Variants in FAM204A observed in about 807,000 individuals in gnomAD.
FAM204A encodes protein FAM204A.
Under a neutral mutation model 35.4 loss-of-function variants are expected in FAM204A, and 16 were observed. That is an observed-to-expected ratio of 0.45 (90% CI 0.31 to 0.69). FAM204A has a LOEUF of 0.69. Ranked by LOEUF, FAM204A falls within the 30% of genes least tolerant of loss-of-function variation. The pLI is 0.07. For missense variants in FAM204A, 240 were observed against 265.7 expected (o/e 0.90, Z 0.67); for synonymous variants, 76 against 86.9 (o/e 0.88, Z 0.70).
At position 118,304,904 on chromosome 10, in the gene FAM204A, T is replaced by C. The variant is rs1845845989; in HGVS notation, c.*5953A>G. Reference sequence around the variant, plus strand: ...GTGATTGAGGCAATGTGGCAGATACTGCAAGCTATTTACTAAAATTTCTTT... The same window carrying C: ...GTGATTGAGGCAATGTGGCAGATACCGCAAGCTATTTACTAAAATTTCTTT... On this transcript the variant is annotated 3_prime_UTR_variant, in exon 9 of 9. Transcript: ENST00000369183. 1 of 152,270 alleles carries C rather than the reference T, an allele frequency of 6.6e-6. No individual in the cohort carries two copies. Among genetic ancestry groups the C allele is most frequent in the Non-Finnish European group, 1.5e-5 (1 of 68,046 alleles). 9.4% of individuals were successfully genotyped at this position (152,270 alleles called of 1,614,324 possible).
rs1205532256 is a variant in FAM204A at position 118,324,108 on chromosome 10, C to G, written c.543+2046G>C. Among the ~76,000 whole-genome samples, 5 of 152,072 alleles carry G rather than the reference C, an allele frequency of 3.3e-5. No homozygotes were observed. In the East Asian group the frequency reaches 9.6e-4, roughly 29 times the overall value. ...ATTAAAATGAGATACCTGTACCTTTCTATTCCAAAATAGATTAATAAAATG... is the reference window on the plus strand; with the variant it reads ...ATTAAAATGAGATACCTGTACCTTTGTATTCCAAAATAGATTAATAAAATG... On this transcript the variant is annotated intron_variant, in intron 7 of 8. Coordinates refer to ENST00000369183, the MANE Select transcript of FAM204A (RefSeq NM_022063.3).
In FAM204A at chr10:118,322,191, T is replaced by C. The variant is rs1846128575; in HGVS notation, c.543+3963A>G. The C allele has an allele frequency of 3.2e-5, 8 of 247,338 alleles. No homozygotes were observed. In the South Asian group the frequency reaches 3.5e-4, roughly 11 times the overall value. 15.3% of individuals were successfully genotyped at this position (247,338 alleles called of 1,614,324 possible). ...GACACTAAAACAAACAGGGAAAACA[T>C]GAGAAAGAGAACATTTACACAGTCT... On this transcript the variant is annotated intron_variant, in intron 7 of 8. Coordinates refer to ENST00000369183, the MANE Select transcript of FAM204A (RefSeq NM_022063.3).
intron 7 of FAM204A, among the ~76,000 whole-genome samples, chr10:118,314,242 T>C (rs1845996423): frequency 6.6e-6 from 1 of 152,190 alleles, no homozygotes; most frequent in Non-Finnish European, 1.5e-5. Context: ...CTATAAAAGG[T>C]ATATTTTCTA....
rs780305501 is a variant in FAM204A at position 118,336,136 on chromosome 10, G to T, written c.234+46C>A. On this transcript the variant is annotated intron_variant, in intron 3 of 8. Transcript: ENST00000369183. Reference sequence around the variant, plus strand: ...CCAGGGCAGAGACACACAGAGGCATGTGCACACACACAGGCTGTAGCAAGA... The same window carrying T: ...CCAGGGCAGAGACACACAGAGGCATTTGCACACACACAGGCTGTAGCAAGA... The T allele has an allele frequency of 1.7e-5, 27 of 1,587,362 alleles. No homozygotes were observed. The African/African-American group carries it at 3.1e-4, about 18-fold the overall frequency.
intron 7 of FAM204A, among the ~76,000 whole-genome samples, chr10:118,318,180 A>G (rs935518115): frequency 5.9e-5 from 9 of 152,054 alleles, no homozygotes; most frequent in African/African-American, 1.9e-4. Context: ...GCTTTACTGG[A>G]AAGAGTAATA....
rs1214067604 is a variant in FAM204A at position 118,306,585 on chromosome 10, G to T, written c.*4272C>A. 1 of 152,204 alleles carries T rather than the reference G, an allele frequency of 6.6e-6. No individual in the cohort carries two copies. Among genetic ancestry groups the T allele is most frequent in the Non-Finnish European group, 1.5e-5 (1 of 68,044 alleles). 9.4% of individuals were successfully genotyped at this position (152,204 alleles called of 1,614,324 possible). ...CTATCTCCCAGAAGCCTATAGCTGT[G>T]TTCCAGGGATTAAGATCATGAAAGC... On this transcript the variant is annotated 3_prime_UTR_variant, in exon 9 of 9. Coordinates refer to ENST00000369183, the MANE Select transcript of FAM204A (RefSeq NM_022063.3).
At chr10:118,325,790 A>G (rs1040849528) in intron 7 of FAM204A, among the ~76,000 whole-genome samples, 1 of 152,188 alleles carries the variant, frequency 6.6e-6, no homozygotes, top group African/African-American at 2.4e-5. Flanking sequence ...AGGTTCAGGG[A>G]TGTGGCCTTA....
In FAM204A at chr10:118,308,274, C is replaced by T. The variant is rs1845896532; in HGVS notation, c.*2583G>A. On this transcript the variant is annotated 3_prime_UTR_variant, in exon 9 of 9. Coordinates refer to ENST00000369183, the MANE Select transcript of FAM204A (RefSeq NM_022063.3). ...TGACGTTTACATTACTGATCTAACTCAGGCATTCTGGTGGTAGTAAATGCA... is the reference window on the plus strand; with the variant it reads ...TGACGTTTACATTACTGATCTAACTTAGGCATTCTGGTGGTAGTAAATGCA... The T allele has an allele frequency of 6.6e-6, 1 of 152,190 alleles. No individual in the cohort carries two copies. Among genetic ancestry groups the T allele is most frequent in the South Asian group, 2.1e-4 (1 of 4,826 alleles). The allele number at this position is 152,190 out of a possible 1,614,324, so 9.4% of individuals were successfully genotyped here.
At chr10:118,334,179 G>C (rs749756743) in intron 6 of FAM204A, among the ~76,000 whole-genome samples, 3 of 152,102 alleles carry the variant, frequency 2.0e-5, no homozygotes, top group African/African-American at 7.2e-5. Flanking sequence ...CAACAACTCT[G>C]CTCCTGCTTT....
chr10:118,333,152 T>C (rs1025182089), intron 6 of FAM204A, among the ~76,000 whole-genome samples: 10 of 152,268 alleles, frequency 6.6e-5, no homozygotes, highest in Middle Eastern at 3.4e-3. Flanking sequence ...AAGTTTCAGC[T>C]TGGCAGTGTT....
rs1845784476 is a variant in FAM204A, at chr10:118,299,415, A to ATTTTTT, written c.*11441_*11442insAAAAAA. On this transcript the variant is annotated 3_prime_UTR_variant, in exon 9 of 9. Transcript: ENST00000369183. ...GGTTTTTTTTTTTTTTTTTTTTTTG[A>ATTTTTT]GACAGGGTCAGGCTGGACTGCAGTG... The ATTTTTT allele has an allele frequency of 2.8e-5, 1 of 36,336 alleles. No homozygotes were observed. Among genetic ancestry groups the ATTTTTT allele is most frequent in the Admixed American group, 2.6e-4 (1 of 3,904 alleles). 2.3% of individuals were successfully genotyped at this position (36,336 alleles called of 1,614,324 possible). A position where few individuals can be genotyped will look rare whatever the true frequency, so the allele number is the denominator to read the frequency against.
At position 118,310,700 on chromosome 10, in the gene FAM204A, A is replaced by C; in HGVS notation, c.*157T>G. 1 of 645,182 alleles carries C rather than the reference A, an allele frequency of 1.5e-6. No homozygotes were observed. Among genetic ancestry groups the C allele is most frequent in the Non-Finnish European group, 2.7e-6 (1 of 371,096 alleles). 40.0% of individuals were successfully genotyped at this position (645,182 alleles called of 1,614,324 possible). A position where few individuals can be genotyped will look rare whatever the true frequency, so the allele number is the denominator to read the frequency against. ...TTCACTTCAATAGGACAAAGTCCTT[A>C]AAGAAAGACTGAAAAGAGCTGATAA... is the stretch of plus-strand genomic sequence containing the variant. On this transcript the variant is annotated 3_prime_UTR_variant, in exon 9 of 9. Coordinates refer to ENST00000369183, the MANE Select transcript of FAM204A (RefSeq NM_022063.3).
At chr10:118,332,210 A>G (rs866871751) in intron 6 of FAM204A, among the ~76,000 whole-genome samples, 3 of 147,566 alleles carry the variant, frequency 2.0e-5, no homozygotes, top group South Asian at 4.3e-4. Context: ...CAGGTAAATA[A>G]AAACCAGGTT....
intron 7 of FAM204A, among the ~76,000 whole-genome samples, chr10:118,319,806 C>T (rs1846084202): frequency 6.6e-6 from 1 of 151,892 alleles, no homozygotes. Flanking sequence ...AATATGATTA[C>T]TCTTTGTAGC....
Position 118,299,130 on chromosome 10 carries a change from A to G in FAM204A, c.*11727T>C, listed in dbSNP as rs1444576279. On this transcript the variant is annotated 3_prime_UTR_variant, in exon 9 of 9. Coordinates refer to ENST00000369183, the MANE Select transcript of FAM204A (RefSeq NM_022063.3). ...AGATCATTCCTTTTTCAGCTTCCAA[A>G]TGGGGAAAACTGTCTGCCTGATTCT... 3 of 152,146 alleles carry G rather than the reference A, an allele frequency of 2.0e-5. No homozygotes were observed. Among genetic ancestry groups the G allele is most frequent in the African/African-American group, 7.2e-5 (3 of 41,432 alleles). 9.4% of individuals were successfully genotyped at this position (152,146 alleles called of 1,614,324 possible). A position where few individuals can be genotyped will look rare whatever the true frequency, so the allele number is the denominator to read the frequency against.
At chr10:118,339,318 T>C (rs1204292293) in intron 2 of FAM204A, among the ~76,000 whole-genome samples, 1 of 152,226 alleles carries the variant, frequency 6.6e-6, no homozygotes, top group Non-Finnish European at 1.5e-5. Context: ...TGGACTCATG[T>C]TTCAAAACAG....
chr10:118,325,478 T>C (rs1026240324), intron 7 of FAM204A, among the ~76,000 whole-genome samples: 1 of 151,562 alleles, frequency 6.6e-6, no homozygotes, highest in Admixed American at 6.6e-5. Flanking sequence ...ATGGTGGAGA[T>C]TTTTTCCTAG....
intron 7 of FAM204A, among the ~76,000 whole-genome samples, chr10:118,313,623 G>A (rs551828158): frequency 6.6e-6 from 1 of 152,046 alleles, no homozygotes; most frequent in South Asian, 2.1e-4. Flanking sequence ...CTTCCCCATC[G>A]CCAAAACGTA....
rs1023309462 is a variant in FAM204A at position 118,309,228 on chromosome 10, T to G, written c.*1629A>C. 1 of 152,194 alleles carries G rather than the reference T, an allele frequency of 6.6e-6. No homozygotes were observed. Among genetic ancestry groups the G allele is most frequent in the Admixed American group, 6.5e-5 (1 of 15,270 alleles). 9.4% of individuals were successfully genotyped at this position (152,194 alleles called of 1,614,324 possible). ...AGTATGACACATAATATTCTAAAACTTTGCTTTCTCTATGCTGGCTTTTCT... is the reference window on the plus strand; with the variant it reads ...AGTATGACACATAATATTCTAAAACGTTGCTTTCTCTATGCTGGCTTTTCT... On this transcript the variant is annotated 3_prime_UTR_variant, in exon 9 of 9. Coordinates refer to ENST00000369183, the MANE Select transcript of FAM204A (RefSeq NM_022063.3).
Sources: allele counts gnomAD v4.1 joint callset (sites outside exome capture counted in the v4.1 genomes callset), GRCh38; gene constraint gnomAD v4.1.1; transcripts MANE v1.5; gene names NCBI Gene and HGNC (gene_info 2026-07-23, HGNC 2026-07-21).